The following ARHGEF10L variants were observed in gnomAD, a reference collection of about 807,000 sequenced individuals.
ARHGEF10L encodes Rho guanine nucleotide exchange factor 10 like.
A neutral mutation model predicts 141.2 loss-of-function variants in ARHGEF10L; 69 were observed. The ratio of observed to expected loss-of-function variants is 0.49; its 90% CI spans 0.40 to 0.60. The LOEUF is 0.60. ARHGEF10L is among the 20% of genes least tolerant of loss of function. The pLI is 0.00. For missense variants in ARHGEF10L, 1,482 were observed against 1,734.3 expected (o/e 0.85, Z 2.58); for synonymous variants, 711 against 718.5 (o/e 0.99, Z 0.17).
Position 17,654,671 on chromosome 1 carries a change from C to G in ARHGEF10L, c.2430C>G (p.Pro810=). 1 of 1,614,220 alleles carries G rather than the reference C, an allele frequency of 6.2e-7. No homozygotes were observed. Residue 810 remains proline, a synonymous_variant, in exon 23 of 29, where the codon CCC becomes CCG. Coordinates refer to ENST00000361221, the MANE Select transcript of ARHGEF10L (RefSeq NM_018125.4). This position sits in a 1 kb window ranked among gnomAD's most constrained non-coding sequence, Gnocchi z 4.3. ...TGGTCCACAGTCCTGTCAACTGTCC[C>G]CTGCTGGGTTTCTCAGCAGTCAGCA... is the stretch of plus-strand genomic sequence containing the variant. ...GALVHSPVNC[P]LLGFSAVSTS...
At position 17,625,121 on chromosome 1, in the gene ARHGEF10L, A is replaced by G. The variant is rs908293918; in HGVS notation, c.1317+618A>G. ...TAGATGCCACGGCCTCAGTGGAGGA[A>G]CCCACTGTCCCCATCAAAGAGAACA... On this transcript the variant is annotated intron_variant, in intron 13 of 28. Transcript: ENST00000361221. The surrounding 1 kb of genome is among the most constrained non-coding windows in gnomAD (Gnocchi z 4.5). Among the ~76,000 whole-genome samples the G allele has an allele frequency of 6.6e-6, 1 of 152,156 alleles. No individual in the cohort carries two copies. Among genetic ancestry groups the G allele is most frequent in the Non-Finnish European group, 1.5e-5 (1 of 68,028 alleles).
chr1:17,516,526 C>T, the ARHGEF10L span, among the ~76,000 whole-genome samples: 2 of 152,200 alleles, frequency 1.3e-5, no homozygotes, highest in African/African-American at 4.8e-5. Context: ...GTCCCTGTCC[C>T]CTGACCTCTG....
At chr1:17,631,498 T>TTG (rs2060688982) in intron 15 of ARHGEF10L, among the ~76,000 whole-genome samples, 1 of 152,198 alleles carries the variant, frequency 6.6e-6, no homozygotes, top group African/African-American at 2.4e-5. Flanking sequence ...AGGCCAAGGC[T>TTG]TTCAACAGGT....
chr1:17,568,691 T>C (rs1004995386), intron 1 of ARHGEF10L, among the ~76,000 whole-genome samples: 6 of 152,304 alleles, frequency 3.9e-5, no homozygotes, highest in Non-Finnish European at 5.9e-5. Flanking sequence ...GTGGGCGGCA[T>C]CCGCATTGTC....
intron 22 of ARHGEF10L, among the ~76,000 whole-genome samples, chr1:17,650,275 G>C (rs2101956299): frequency 1.3e-5 from 2 of 152,030 alleles, no homozygotes; most frequent in Non-Finnish European, 2.9e-5. Flanking sequence ...AAATTAGCCA[G>C]GTGTGCCATG....
chr1:17,526,588 C>A, the ARHGEF10L span, among the ~76,000 whole-genome samples: 1 of 152,110 alleles, frequency 6.6e-6, no homozygotes, highest in Non-Finnish European at 1.5e-5. Context: ...CCAGGGTTGC[C>A]CCAACTCCCT....
chr1:17,517,790 A>G, the ARHGEF10L span, among the ~76,000 whole-genome samples: 1 of 152,144 alleles, frequency 6.6e-6, no homozygotes, highest in East Asian at 1.9e-4. Flanking sequence ...CCTCCTGAGT[A>G]GCTGGAATTA....
At chr1:17,651,249 C>T (rs2061916140) in intron 22 of ARHGEF10L, among the ~76,000 whole-genome samples, 1 of 152,040 alleles carries the variant, frequency 6.6e-6, no homozygotes, top group Non-Finnish European at 1.5e-5. Flanking sequence ...TGGTGGAGGC[C>T]GTCGGCAAGG....
intron 21 of ARHGEF10L, among the ~76,000 whole-genome samples, chr1:17,647,020 G>A (rs552628150): frequency 5.3e-5 from 8 of 152,202 alleles, no homozygotes; most frequent in Admixed American, 2.6e-4. Flanking sequence ...GTAGTGTCAG[G>A]GGGCCCCAGT....
chr1:17,630,032 C>A (rs1206377804), intron 15 of ARHGEF10L, among the ~76,000 whole-genome samples: 1 of 152,210 alleles, frequency 6.6e-6, no homozygotes, highest in African/African-American at 2.4e-5. Flanking sequence ...TCTAAGCTTC[C>A]ATGTCTCCAT....
the ARHGEF10L span, among the ~76,000 whole-genome samples, chr1:17,525,390 G>A: frequency 2.0e-5 from 3 of 152,252 alleles, no homozygotes; most frequent in Admixed American, 2.0e-4. Context: ...GGAGCCAGGA[G>A]GCTGCCTCTG....
At chr1:17,637,647 C>T (rs185951898) in intron 18 of ARHGEF10L, among the ~76,000 whole-genome samples, 28 of 152,162 alleles carry the variant, frequency 1.8e-4, no homozygotes, top group African/African-American at 6.5e-4. Flanking sequence ...TACAGGTGCC[C>T]GCCACCATGC....
In ARHGEF10L at chr1:17,621,633, G is replaced by A. The variant is rs2060114058; in HGVS notation, c.943-231G>A. The stretch of plus-strand genomic sequence containing the variant: ...TCCCCAGATGTATGTGCACAGAGGG[G>A]CTTTCCCTGGGATGTGCCCTTCCTC... On this transcript the variant is annotated intron_variant, in intron 10 of 28. Transcript: ENST00000361221. This position sits in a 1 kb window ranked among gnomAD's most constrained non-coding sequence, Gnocchi z 4.1. Among the ~76,000 whole-genome samples the A allele has an allele frequency of 6.6e-6, 1 of 152,202 alleles. No individual in the cohort carries two copies. The highest frequency in any genetic ancestry group is 2.1e-4 in the South Asian group (1 of 4,830).
At chr1:17,675,506 G>A (rs1414818831) in intron 26 of ARHGEF10L, among the ~76,000 whole-genome samples, 3 of 149,624 alleles carry the variant, frequency 2.0e-5, no homozygotes, top group African/African-American at 7.4e-5. Flanking sequence ...TAGGTGTGTG[G>A]GTACAGGTTT....
the ARHGEF10L span, among the ~76,000 whole-genome samples, chr1:17,530,902 G>A: frequency 6.6e-6 from 1 of 152,050 alleles, no homozygotes; most frequent in African/African-American, 2.4e-5. Flanking sequence ...CTACTTGGGA[G>A]GCTGAAGCAA....
the ARHGEF10L span, among the ~76,000 whole-genome samples, chr1:17,533,734 A>G: frequency 6.6e-6 from 1 of 152,162 alleles, no homozygotes; most frequent in Non-Finnish European, 1.5e-5. Flanking sequence ...CAGGGGCAGG[A>G]ATGTTATGGA....
intron 26 of ARHGEF10L, among the ~76,000 whole-genome samples, chr1:17,679,730 T>C (rs1203983200): frequency 1.3e-5 from 2 of 152,330 alleles, no homozygotes; most frequent in African/African-American, 4.8e-5. Flanking sequence ...CGGGTCTGAA[T>C]TCGCAGCCCT....
chr1:17,565,861 C>T (rs927402298), intron 1 of ARHGEF10L, among the ~76,000 whole-genome samples: 1 of 152,202 alleles, frequency 6.6e-6, no homozygotes, highest in African/African-American at 2.4e-5. Context: ...CCCCTCCCTC[C>T]CTGGCTGCCT....
chr1:17,610,128 G>A (rs922608946), intron 7 of ARHGEF10L, among the ~76,000 whole-genome samples: 3 of 152,206 alleles, frequency 2.0e-5, no homozygotes, highest in African/African-American at 4.8e-5. Context: ...GCTTTCCAGC[G>A]GTGGTCCCCA....
Sources: allele counts gnomAD v4.1 joint callset (sites outside exome capture counted in the v4.1 genomes callset), GRCh38; gene constraint gnomAD v4.1.1; non-coding constraint Gnocchi (gnomAD v3.1); transcripts MANE v1.5; gene names NCBI Gene and HGNC (gene_info 2026-07-23, HGNC 2026-07-21).